Variants in BCAS3 observed in about 807,000 individuals in gnomAD.
The protein encoded by BCAS3 is BCAS4/BCAS3 fusion.
Under a neutral mutation model 116.1 loss-of-function variants are expected in BCAS3, and 53 were observed. The ratio of observed to expected loss-of-function variants is 0.46; its 90% CI spans 0.37 to 0.57. The LOEUF is 0.57. BCAS3 is among the 20% of genes least tolerant of loss of function. The pLI is 0.00. For missense variants in BCAS3, 917 were observed against 1,165.4 expected (o/e 0.79, Z 3.10); for synonymous variants, 391 against 408.2 (o/e 0.96, Z 0.51).
chr17:60,688,589 C>A (rs750484402), intron 3 of BCAS3, among the ~76,000 whole-genome samples: 2 of 151,944 alleles, frequency 1.3e-5, no homozygotes, highest in African/African-American at 2.4e-5. Context: ...CGAGGCGGGG[C>A]GGATCACCTG....
intron 7 of BCAS3, among the ~76,000 whole-genome samples, chr17:60,848,602 G>T (rs917021368): frequency 4.6e-5 from 7 of 152,104 alleles, no homozygotes; most frequent in African/African-American, 1.7e-4. Context: ...TCCTTGTCTT[G>T]TTCCTGATGT....
intron 22 of BCAS3, among the ~76,000 whole-genome samples, chr17:61,108,277 C>G (rs982500714): frequency 6.6e-6 from 1 of 152,066 alleles, no homozygotes; most frequent in Non-Finnish European, 1.5e-5. Context: ...CTTTTTCTAA[C>G]ATTTTAGTTT....
At chr17:60,934,380 T>TA (rs1026617475) in intron 13 of BCAS3, among the ~76,000 whole-genome samples, 2 of 152,228 alleles carry the variant, frequency 1.3e-5, no homozygotes, top group African/African-American at 2.4e-5. Flanking sequence ...GGATACTATG[T>TA]AAAAATGTGA....
chr17:60,801,374 G>GT (rs1259531500), intron 6 of BCAS3, among the ~76,000 whole-genome samples: 9 of 150,974 alleles, frequency 6.0e-5, no homozygotes, highest in East Asian at 5.9e-4. Context: ...ACTGATTCTA[G>GT]TTTTTTTTTA....
intron 6 of BCAS3, among the ~76,000 whole-genome samples, chr17:60,756,539 GC>G (rs2043006238): frequency 6.6e-6 from 1 of 152,142 alleles, no homozygotes; most frequent in South Asian, 2.1e-4. Context: ...GAATTTCTGT[GC>G]CTGGCTTATT....
At chr17:61,192,371 T>C (rs1449709003) in intron 22 of BCAS3, among the ~76,000 whole-genome samples, 3 of 151,868 alleles carry the variant, frequency 2.0e-5, no homozygotes, top group Admixed American at 6.6e-5. Context: ...TCCAGAATTG[T>C]AGACCTCAGA....
At chr17:61,055,862 A>C (rs1298543891) in intron 19 of BCAS3, among the ~76,000 whole-genome samples, 1 of 152,156 alleles carries the variant, frequency 6.6e-6, no homozygotes, top group Non-Finnish European at 1.5e-5. Context: ...ATTTGCCTTC[A>C]TCTCTGATTT....
At chr17:61,127,777 A>G (rs1468528372) in intron 22 of BCAS3, among the ~76,000 whole-genome samples, 1 of 150,092 alleles carries the variant, frequency 6.7e-6, no homozygotes, top group African/African-American at 2.5e-5. Context: ...CAGATCCTCT[A>G]TATCCTGTTT....
rs1453532763 is a variant in BCAS3 at position 61,256,711 on chromosome 17, T to C, written c.2426-111616T>C. 6.6e-6 allele frequency among the ~76,000 whole-genome samples: 1 copy of C among 152,156 alleles called. No homozygotes were observed. Among genetic ancestry groups the C allele is most frequent in the Admixed American group, 6.5e-5 (1 of 15,278 alleles). On this transcript the variant is annotated intron_variant, in intron 22 of 23. Coordinates refer to ENST00000407086, the MANE Select transcript of BCAS3 (RefSeq NM_017679.5). This position sits in a 1 kb window ranked among gnomAD's most constrained non-coding sequence, Gnocchi z 5.6. ...AATTGTGTCACCAGAGAGCCTTGGA[T>C]ACAGAGATAAACTGGAGACAGAGTA... is the stretch of plus-strand genomic sequence containing the variant.
At chr17:60,754,452 G>A (rs1311567492) in intron 6 of BCAS3, among the ~76,000 whole-genome samples, 2 of 152,144 alleles carry the variant, frequency 1.3e-5, no homozygotes, top group Non-Finnish European at 2.9e-5. Flanking sequence ...GCACAGGCTG[G>A]TCTTGAACCA....
intron 22 of BCAS3, among the ~76,000 whole-genome samples, chr17:61,176,742 A>G (rs567852185): frequency 7.9e-5 from 12 of 151,996 alleles, no homozygotes; most frequent in Non-Finnish European, 1.8e-4. Context: ...AATTTTTTGT[A>G]GAGACAGGGT....
At position 60,993,200 on chromosome 17, in the gene BCAS3, T is replaced by G. The variant is rs1316255339; in HGVS notation, c.1486+2965T>G. On this transcript the variant is annotated intron_variant, in intron 15 of 23. Transcript: ENST00000407086. The surrounding 1 kb of genome is among the most constrained non-coding windows in gnomAD (Gnocchi z 4.2). ...CGGGAAAAGACAGATATTAAATGAC[T>G]GTGAACAAATACCTTTCAATATACT... 6.6e-6 allele frequency among the ~76,000 whole-genome samples: 1 copy of G among 152,220 alleles called. No homozygotes were observed. The highest frequency in any genetic ancestry group is 2.1e-4 in the South Asian group (1 of 4,836).
Position 61,029,596 on chromosome 17 carries a change from A to G in BCAS3, c.1638-5070A>G, listed in dbSNP as rs1164414156. On this transcript the variant is annotated intron_variant, in intron 16 of 23. Coordinates refer to ENST00000407086, the MANE Select transcript of BCAS3 (RefSeq NM_017679.5). This position sits in a 1 kb window ranked among gnomAD's most constrained non-coding sequence, Gnocchi z 5.2. ...ATAAATAGGAATGTATCAAGCTCTG[A>G]ATTTGCATGTAGTGTTGTATTTAAG... Among the ~76,000 whole-genome samples, 2 of 151,976 alleles carry G rather than the reference A, an allele frequency of 1.3e-5. No homozygotes were observed. The highest frequency in any genetic ancestry group is 2.9e-5 in the Non-Finnish European group (2 of 67,902).
chr17:60,896,547 G>GCC (rs1886119752), intron 10 of BCAS3, among the ~76,000 whole-genome samples: 1 of 151,390 alleles, frequency 6.6e-6, no homozygotes, highest in Non-Finnish European at 1.5e-5. Context: ...TTGCTGAATT[G>GCC]ATCCCTTTAT....
intron 16 of BCAS3, among the ~76,000 whole-genome samples, chr17:61,030,678 G>T (rs572003184): frequency 6.6e-6 from 1 of 151,732 alleles, no homozygotes; most frequent in Non-Finnish European, 1.5e-5. Flanking sequence ...TTGGTTATTC[G>T]GTTTTTTTGT....
intron 8 of BCAS3, among the ~76,000 whole-genome samples, chr17:60,872,289 A>C (rs1005926029): frequency 6.6e-6 from 1 of 151,872 alleles, no homozygotes; most frequent in Non-Finnish European, 1.5e-5. Flanking sequence ...TAATATGTGC[A>C]TGTGTATGTG....
chr17:60,735,244 G>T (rs909485154), intron 5 of BCAS3, among the ~76,000 whole-genome samples: 11 of 151,924 alleles, frequency 7.2e-5, no homozygotes, highest in South Asian at 2.1e-4. Context: ...ATACATAGAT[G>T]ATCATGTCTT....
rs1271568214 is a variant in BCAS3, at chr17:61,077,960, T to A, written c.2131-373T>A. 1.3e-5 allele frequency among the ~76,000 whole-genome samples: 2 copies of A among 152,194 alleles called. No homozygotes were observed. Among genetic ancestry groups the A allele is most frequent in the African/African-American group, 4.8e-5 (2 of 41,448 alleles). On this transcript the variant is annotated intron_variant, in intron 20 of 23. Transcript: ENST00000407086. The surrounding 1 kb of genome is among the most constrained non-coding windows in gnomAD (Gnocchi z 4.3). ...CAGTGCATGCCCACAACATGGTAAGTACTGTCTAGAATGAATGAAAAGGTA... is the reference window on the plus strand; with the variant it reads ...CAGTGCATGCCCACAACATGGTAAGAACTGTCTAGAATGAATGAAAAGGTA...
chr17:61,117,770 G>A (rs988589570), intron 22 of BCAS3, among the ~76,000 whole-genome samples: 3 of 152,020 alleles, frequency 2.0e-5, no homozygotes, highest in South Asian at 2.1e-4. Context: ...TATACTCCCT[G>A]CCACCCCCTA....
Sources: gnomAD v4.1 joint callset for allele counts (sites outside exome capture counted in the v4.1 genomes callset) on GRCh38, gnomAD v4.1.1 for gene constraint, Gnocchi (gnomAD v3.1) non-coding constraint, MANE v1.5 for transcripts, NCBI Gene and HGNC (gene_info 2026-07-23, HGNC 2026-07-21) for gene names.